Variants in ULK4 observed in about 807,000 individuals in gnomAD.
ULK4 encodes the protein unc-51 like kinase 4, also known as inactive serine/threonine-protein kinase ULK4.
Under a neutral mutation model 160.6 loss-of-function variants are expected in ULK4, and 133 were observed. That is an observed-to-expected ratio of 0.83 (90% CI 0.72 to 0.96). ULK4 has a LOEUF of 0.96. Among genes scored for constraint, ULK4 ranks in the 40% least tolerant of loss-of-function variants. ULK4 has a pLI of 0.00. For synonymous variants in ULK4, 534 were observed against 539.8 expected, an observed-to-expected ratio of 0.99 and a Z score of 0.15; for missense variants, 1,580 against 1,499.5, an observed-to-expected ratio of 1.05 and a Z score of -0.89.
intron 32 of ULK4, among the ~76,000 whole-genome samples, chr3:41,503,960 C>T (rs73828091): frequency 0.054 from 8,265 of 152,104 alleles, 712 homozygotes; most frequent in African/African-American, 0.19. Flanking sequence ...ATAGAAAAGG[C>T]CATCTTGGTT....
chr3:41,389,003 A>G (rs1244763601), intron 35 of ULK4, among the ~76,000 whole-genome samples: 2 of 151,970 alleles, frequency 1.3e-5, no homozygotes, highest in African/African-American at 2.4e-5. Context: ...CTTCCTACCC[A>G]TGAGCATGGA....
chr3:41,894,134 G>A (rs1241174953), intron 16 of ULK4, among the ~76,000 whole-genome samples: 2 of 152,184 alleles, frequency 1.3e-5, no homozygotes, highest in Non-Finnish European at 2.9e-5. Context: ...GATACAGAAG[G>A]ATGACTGTAC....
At chr3:41,794,026 G>C (rs775105814) in intron 20 of ULK4, among the ~76,000 whole-genome samples, 23 of 152,186 alleles carry the variant, frequency 1.5e-4, no homozygotes, top group South Asian at 8.3e-4. Context: ...TCTCCCCAGG[G>C]GGACTCTCGT....
chr3:41,394,757 C>A (rs889382816), intron 35 of ULK4, among the ~76,000 whole-genome samples: 3 of 152,086 alleles, frequency 2.0e-5, no homozygotes, highest in African/African-American at 7.2e-5. Flanking sequence ...AAGACCACAA[C>A]TGAGTTGACT....
intron 32 of ULK4, among the ~76,000 whole-genome samples, chr3:41,481,859 T>C (rs1009039325): frequency 6.6e-6 from 1 of 150,982 alleles, no homozygotes; most frequent in African/African-American, 2.4e-5. Flanking sequence ...AACAAAAGCA[T>C]TCCTAATTTT....
At chr3:41,495,459 TA>T (rs1474175917) in intron 32 of ULK4, among the ~76,000 whole-genome samples, 1 of 151,674 alleles carries the variant, frequency 6.6e-6, no homozygotes, top group African/African-American at 2.4e-5. Flanking sequence ...ATGTTAGACC[TA>T]AAACCATAAA....
chr3:41,326,451 CATAT>C (rs10660377), intron 35 of ULK4, among the ~76,000 whole-genome samples: 22,967 of 146,576 alleles, frequency 0.16, 2,097 homozygotes, highest in African/African-American at 0.25. Context: ...TGCATATATA[CATAT>C]ATATATATAT....
chr3:41,558,388 T>G (rs549575418), intron 32 of ULK4, among the ~76,000 whole-genome samples: 1 of 152,064 alleles, frequency 6.6e-6, no homozygotes, highest in African/African-American at 2.4e-5. Context: ...ATTACCAGCA[T>G]TGAAATATAA....
intron 32 of ULK4, among the ~76,000 whole-genome samples, chr3:41,528,828 G>C (rs747253689): frequency 1.3e-5 from 2 of 152,126 alleles, no homozygotes; most frequent in East Asian, 3.9e-4. Flanking sequence ...TAAAACTGCA[G>C]TGTGTTGTTG....
intron 35 of ULK4, among the ~76,000 whole-genome samples, chr3:41,264,346 G>A (rs1321341405): frequency 6.6e-6 from 1 of 152,244 alleles, no homozygotes; most frequent in Non-Finnish European, 1.5e-5. Context: ...CGCTGACACA[G>A]TGCCTCCTCC....
intron 31 of ULK4, among the ~76,000 whole-genome samples, chr3:41,574,528 C>CTTTTTTTTTTTTTTTTTT (rs1559406622): frequency 9.4e-6 from 1 of 106,286 alleles, no homozygotes; most frequent in African/African-American, 3.4e-5. Context: ...CTACCAGAGT[C>CTTTTTTTTTTTTTTTTTT]CTCTTTTTTT....
chr3:41,326,711 C>T (rs2125736249), intron 35 of ULK4, among the ~76,000 whole-genome samples: 1 of 152,172 alleles, frequency 6.6e-6, no homozygotes, highest in East Asian at 1.9e-4. Flanking sequence ...TCCTCTCTGT[C>T]TCACTTTACC....
Position 41,249,527 on chromosome 3 carries a change from G to A in ULK4, c.3726C>T (p.Ser1242=). The part of the protein sequence containing the change: ...KHLESLKNAG[S]LLRALERLAP... ...CCAGCCGCTCCAGAGCCCGCAGGAG[G>A]CTGCCTGCATTCTTGAGGCTCTCCA... Residue 1242 remains serine (S), a synonymous_variant, in exon 36 of 37, where the codon AGC becomes AGT. Coordinates refer to ENST00000301831, the MANE Select transcript of ULK4 (RefSeq NM_017886.4). 2 of 1,614,112 alleles carry A rather than the reference G, an allele frequency of 1.2e-6. No homozygotes were observed. Among genetic ancestry groups the A allele is most frequent in the Non-Finnish European group, 1.7e-6 (2 of 1,179,998 alleles).
At chr3:41,317,457 G>A (rs1037312542) in intron 35 of ULK4, among the ~76,000 whole-genome samples, 2 of 152,054 alleles carry the variant, frequency 1.3e-5, no homozygotes, top group African/African-American at 4.8e-5. Context: ...CTTTCAGTCT[G>A]TGCACAGAAC....
intron 13 of ULK4, chr3:41,899,105 G>A (rs1222439067): frequency 1.3e-5 from 2 of 152,264 alleles, no homozygotes; most frequent in Non-Finnish European, 2.9e-5. Flanking sequence ...GATGGTTAAT[G>A]GTTATATCAG....
chr3:41,463,974 T>C (rs1319862901), intron 32 of ULK4, among the ~76,000 whole-genome samples: 3 of 151,590 alleles, frequency 2.0e-5, no homozygotes, highest in Non-Finnish European at 4.4e-5. Flanking sequence ...AATGAGAACT[T>C]TGGAATCAGT....
At chr3:41,291,240 G>A (rs937128779) in intron 35 of ULK4, among the ~76,000 whole-genome samples, 1 of 151,086 alleles carries the variant, frequency 6.6e-6, no homozygotes, top group Non-Finnish European at 1.5e-5. Context: ...AATGTATACA[G>A]GGTTATTATG....
chr3:41,482,217 A>C (rs1338969929), intron 32 of ULK4, among the ~76,000 whole-genome samples: 1 of 152,180 alleles, frequency 6.6e-6, no homozygotes, highest in East Asian at 1.9e-4. Context: ...ACTGTGCAGC[A>C]GCCAGTCTGC....
In ULK4 at chr3:41,349,863, T is replaced by C. The variant is rs140632807; in HGVS notation, c.3678+48216A>G. 1.8e-4 allele frequency among the ~76,000 whole-genome samples: 27 copies of C among 152,266 alleles called. No homozygotes were observed. In the East Asian group the frequency reaches 5.2e-3, roughly 29 times the overall value. On this transcript the variant is annotated intron_variant, in intron 35 of 36. Coordinates refer to ENST00000301831, the MANE Select transcript of ULK4 (RefSeq NM_017886.4). Reference sequence around the variant, plus strand: ...AATAGCTTAATTTTTCTATAAATAATTTTTCCCCTATAAATATCACCATAG... The same window carrying C: ...AATAGCTTAATTTTTCTATAAATAACTTTTCCCCTATAAATATCACCATAG...
Sources: allele counts gnomAD v4.1 joint callset (sites outside exome capture counted in the v4.1 genomes callset), GRCh38; gene constraint gnomAD v4.1.1; transcripts MANE v1.5; gene names NCBI Gene and HGNC (gene_info 2026-07-23, HGNC 2026-07-21).